Variants in DNAJC16 observed in about 807,000 individuals in gnomAD.
The protein encoded by DNAJC16 is DnaJ heat shock protein family (Hsp40) member C16.
DNAJC16 carries 76 observed loss-of-function variants against 92.7 expected under a neutral mutation model. The observed-to-expected ratio is 0.82, with a 90% confidence interval of 0.68 to 0.99. The LOEUF (loss-of-function observed/expected upper bound fraction) is 0.99. DNAJC16 is among the 50% of genes least tolerant of loss of function. The pLI is 0.00. For synonymous variants in DNAJC16, 328 were observed against 358.7 expected (o/e 0.91, Z 0.97); for missense variants, 869 against 942.4 (o/e 0.92, Z 1.02).
At chr1:15,543,447 C>T (rs1401358062) in intron 4 of DNAJC16, among the ~76,000 whole-genome samples, 1 of 152,204 alleles carries the variant, frequency 6.6e-6, no homozygotes, top group Non-Finnish European at 1.5e-5. Context: ...CTGGCGCAGG[C>T]TGTTGGAGGA....
Position 15,531,818 on chromosome 1 carries a change from T to C in DNAJC16, c.168-2419T>C, listed in dbSNP as rs529009048. Among the ~76,000 whole-genome samples, 381 of 152,372 alleles carry C rather than the reference T, an allele frequency of 2.5e-3. 4 individuals are homozygous for C. The highest frequency in any genetic ancestry group is 8.8e-3 in the African/African-American group (365 of 41,576). On this transcript the variant is annotated intron_variant, in intron 2 of 14. Transcript: ENST00000375847. ...TTTTCTGCGGTTTTGGCTATGACAATGCTTTGTCACTTGGAATAGTTTAAG... is the reference window on the plus strand; with the variant it reads ...TTTTCTGCGGTTTTGGCTATGACAACGCTTTGTCACTTGGAATAGTTTAAG...
chr1:15,552,251 G>A (rs1445796276), intron 7 of DNAJC16, among the ~76,000 whole-genome samples: 1 of 151,680 alleles, frequency 6.6e-6, no homozygotes, highest in African/African-American at 2.4e-5. Flanking sequence ...ACTTTGGGAG[G>A]CTGAGGCAGG....
At position 15,570,681 on chromosome 1, in the gene DNAJC16, C is replaced by T. The variant is rs1570936856; in HGVS notation, c.*2504C>T. On this transcript the variant is annotated 3_prime_UTR_variant, in exon 15 of 15. Transcript: ENST00000375847. ...AGCTCTTCTACAGACCGGTTTAGAGCTGGTGCCCTATGAGAATATTAGGGA... is the reference window on the plus strand; with the variant it reads ...AGCTCTTCTACAGACCGGTTTAGAGTTGGTGCCCTATGAGAATATTAGGGA... 6.6e-6 allele frequency: 1 copy of T among 152,204 alleles called. No homozygotes were observed. Among genetic ancestry groups the T allele is most frequent in the African/African-American group, 2.4e-5 (1 of 41,460 alleles). The allele number at this position is 152,204 out of a possible 1,614,324, so 9.4% of individuals were successfully genotyped here. A position where few individuals can be genotyped will look rare whatever the true frequency, so the allele number is the denominator to read the frequency against.
At chr1:15,539,596 G>A (rs531809938) in intron 4 of DNAJC16, among the ~76,000 whole-genome samples, 1 of 152,018 alleles carries the variant, frequency 6.6e-6, no homozygotes, top group South Asian at 2.1e-4. Flanking sequence ...CCAGGCCAGG[G>A]TGTAATAGCA....
At chr1:15,560,513 A>C (rs774896814) in intron 8 of DNAJC16, among the ~76,000 whole-genome samples, 2 of 152,214 alleles carry the variant, frequency 1.3e-5, no homozygotes, top group Admixed American at 6.5e-5. Context: ...TATTCATTAC[A>C]CCTTCTCAGG....
chr1:15,542,377 G>C (rs1272799427), intron 4 of DNAJC16: 7 of 152,246 alleles, frequency 4.6e-5, no homozygotes, highest in Non-Finnish European at 8.8e-5. Flanking sequence ...CCAGGTGGCT[G>C]AACACATGGA....
At chr1:15,546,971 A>C in intron 6 of DNAJC16, 100 bp downstream of exon 6, 1 of 863,948 alleles carries the variant, frequency 1.2e-6, no homozygotes, top group East Asian at 2.7e-5. Flanking sequence ...CTTATAGCCT[A>C]TTTGTCTTTT....
intron 4 of DNAJC16, among the ~76,000 whole-genome samples, chr1:15,538,061 ATTACC>A (rs1289068533): frequency 6.6e-6 from 1 of 152,166 alleles, no homozygotes; most frequent in African/African-American, 2.4e-5. Flanking sequence ...TCAGGCAGTG[ATTACC>A]TGGGTTTGGC....
chr1:15,539,334 C>T (rs1371909316), intron 4 of DNAJC16, among the ~76,000 whole-genome samples: 1 of 151,926 alleles, frequency 6.6e-6, no homozygotes, highest in African/African-American at 2.4e-5. Flanking sequence ...CAAGCTCCGC[C>T]TCCCAGGTTC....
chr1:15,568,357 C>A lies in DNAJC16; in HGVS notation c.*180C>A. On this transcript the variant is annotated 3_prime_UTR_variant, in exon 15 of 15. Coordinates refer to ENST00000375847, the MANE Select transcript of DNAJC16 (RefSeq NM_015291.4). ...CTAACCTAGGAATGAAAAACACCAC[C>A]AGTTTGAATCGCCTAGATGAAAATC... The A allele has an allele frequency of 1.8e-6, 1 of 570,848 alleles. No individual in the cohort carries two copies. The highest frequency in any genetic ancestry group is 3.0e-6 in the Non-Finnish European group (1 of 331,510). 35.4% of individuals were successfully genotyped at this position (570,848 alleles called of 1,614,324 possible).
intron 7 of DNAJC16, among the ~76,000 whole-genome samples, chr1:15,556,479 C>T (rs1557583918): frequency 6.6e-6 from 1 of 152,200 alleles, no homozygotes; most frequent in Non-Finnish European, 1.5e-5. Context: ...CCGCCTCGGC[C>T]TCCCACTGTG....
chr1:15,571,650 T>C lies in DNAJC16; in HGVS notation c.*3473T>C, dbSNP rs1317418193. 6.5e-6 allele frequency: 1 copy of C among 152,682 alleles called. No individual in the cohort carries two copies. The highest frequency in any genetic ancestry group is 6.5e-5 in the Admixed American group (1 of 15,290). The allele number at this position is 152,682 out of a possible 1,614,324, so 9.5% of individuals were successfully genotyped here. ...TGTTGTTTTTGTTTTTTGACTTTTT[T>C]TGTATTGTGAACAGGCACTGAAGCT... is the stretch of plus-strand genomic sequence containing the variant. On this transcript the variant is annotated 3_prime_UTR_variant, in exon 15 of 15. Transcript: ENST00000375847.
At chr1:15,537,367 T>G (rs1014245234) in intron 4 of DNAJC16, among the ~76,000 whole-genome samples, 1 of 152,178 alleles carries the variant, frequency 6.6e-6, no homozygotes, top group Admixed American at 6.5e-5. Context: ...TAAAGAGAAG[T>G]GTGCTGTGGA....
intron 4 of DNAJC16, among the ~76,000 whole-genome samples, chr1:15,538,989 T>C (rs920333398): frequency 1.3e-5 from 2 of 152,042 alleles, no homozygotes; most frequent in African/African-American, 2.4e-5. Context: ...GGAGAGAAAA[T>C]TAATGTGTAT....
At chr1:15,530,702 T>A (rs1298487032) in intron 2 of DNAJC16, among the ~76,000 whole-genome samples, 1 of 152,226 alleles carries the variant, frequency 6.6e-6, no homozygotes, top group African/African-American at 2.4e-5. Flanking sequence ...TCTCTTTTTT[T>A]TTTGAGACGG....
At chr1:15,533,125 C>G (rs1002634802) in intron 2 of DNAJC16, among the ~76,000 whole-genome samples, 1 of 152,166 alleles carries the variant, frequency 6.6e-6, no homozygotes, top group African/African-American at 2.4e-5. Context: ...ATTGAAAAAT[C>G]AGTCCATATA....
At chr1:15,548,700 T>C (rs1486936397) in intron 7 of DNAJC16, among the ~76,000 whole-genome samples, 2 of 151,952 alleles carry the variant, frequency 1.3e-5, no homozygotes, top group Non-Finnish European at 2.9e-5. Context: ...TGTAAAACAG[T>C]AATAAAAAGG....
At position 15,570,818 on chromosome 1, in the gene DNAJC16, C is replaced by T. The variant is rs376208105; in HGVS notation, c.*2641C>T. 2 of 152,298 alleles carry T rather than the reference C, an allele frequency of 1.3e-5. No individual in the cohort carries two copies. Among genetic ancestry groups the T allele is most frequent in the South Asian group, 2.1e-4 (1 of 4,824 alleles). 9.4% of individuals were successfully genotyped at this position (152,298 alleles called of 1,614,324 possible). ...ACATATGAGCCATTGTCATGCTCAG[C>T]CTGTGCCACCATTGCTCTGTCTGAT... On this transcript the variant is annotated 3_prime_UTR_variant, in exon 15 of 15. Transcript: ENST00000375847.
intron 3 of DNAJC16, among the ~76,000 whole-genome samples, chr1:15,536,072 CTTTTT>C (rs758451008): frequency 1.2e-5 from 1 of 84,610 alleles, no homozygotes; most frequent in Non-Finnish European, 2.3e-5. Context: ...CTTTTCTTTT[CTTTTT>C]TTTTTTTTTT....
Sources: gnomAD v4.1 joint callset for allele counts (sites outside exome capture counted in the v4.1 genomes callset) on GRCh38, gnomAD v4.1.1 for gene constraint, MANE v1.5 for transcripts, NCBI Gene and HGNC (gene_info 2026-07-23, HGNC 2026-07-21) for gene names.